The following DDX60 variants were observed in gnomAD, a reference collection of about 807,000 sequenced individuals.
DDX60 encodes probable ATP-dependent RNA helicase DDX60.
A neutral mutation model predicts 212.8 loss-of-function variants in DDX60; 165 were observed. The ratio of observed to expected loss-of-function variants is 0.78; its 90% confidence interval spans 0.68 to 0.88. The LOEUF (loss-of-function observed/expected upper bound fraction) is 0.88, where lower values mean the gene tolerates loss of function less well. Ranked by LOEUF, DDX60 falls within the 40% of genes least tolerant of loss-of-function variation. DDX60 has a pLI of 0.00. For missense variants in DDX60, 1,905 were observed against 2,003.9 expected (o/e 0.95, Z 0.94); for synonymous variants, 703 against 685.3 (o/e 1.03, Z -0.40).
rs764562519 is a variant in DDX60, at chr4:168,311,326, T to C, written c.-67A>G. ...TAAAGGTAGCAAATACCCTTTATTT[T>C]GGTACCTCTAAGTGGCAGTTCTTAA... is the stretch of plus-strand genomic sequence containing the variant. On this transcript the variant is annotated 5_prime_UTR_variant, in exon 2 of 38. Coordinates refer to ENST00000393743, the MANE Select transcript of DDX60 (RefSeq NM_017631.6). 5.1e-6 allele frequency: 8 copies of C among 1,574,122 alleles called. No homozygotes were observed. Among genetic ancestry groups the C allele is most frequent in the African/African-American group, 4.1e-5 (3 of 73,780 alleles).
intron 15 of DDX60, 129 bp from the exon 16 acceptor site, chr4:168,275,632 T>C (rs962969942): frequency 5.1e-6 from 4 of 788,912 alleles, no homozygotes; most frequent in Admixed American, 3.6e-5. Flanking sequence ...TTAAATTTTT[T>C]AAATCATTGT....
At chr4:168,317,854 C>A (rs1343738779) in intron 1 of DDX60, among the ~76,000 whole-genome samples, 2 of 152,126 alleles carry the variant, frequency 1.3e-5, no homozygotes, top group Non-Finnish European at 2.9e-5. Context: ...GAACCCCCAG[C>A]CAACAGCCAG....
At chr4:168,235,982 C>T in intron 33 of DDX60, 1 of 335,196 alleles carries the variant, frequency 3.0e-6, no homozygotes, top group Non-Finnish European at 5.4e-6. Flanking sequence ...CTTTAGTCAC[C>T]TGATATTATA....
chr4:168,275,232 T>C, intron 16 of DDX60, 113 bp downstream of exon 16: 1 of 1,000,206 alleles, frequency 1.0e-6, no homozygotes, highest in Non-Finnish European at 1.4e-6. Flanking sequence ...TAACAAAGTA[T>C]CTTTAAATGA....
At chr4:168,282,182 CAA>C (rs2149526689) in intron 13 of DDX60, among the ~76,000 whole-genome samples, 1 of 152,244 alleles carries the variant, frequency 6.6e-6, no homozygotes, top group Non-Finnish European at 1.5e-5. Flanking sequence ...GCTCTTAAAA[CAA>C]AAGATGGGAC....
intron 3 of DDX60, among the ~76,000 whole-genome samples, chr4:168,308,723 A>T (rs192516636): frequency 8.9e-4 from 132 of 148,516 alleles, no homozygotes; most frequent in African/African-American, 2.8e-3. Flanking sequence ...TATATTATAC[A>T]TAGATACACA....
At chr4:168,226,067 G>C (rs1733243541) in intron 33 of DDX60, among the ~76,000 whole-genome samples, 4 of 151,910 alleles carry the variant, frequency 2.6e-5, no homozygotes, top group Non-Finnish European at 5.9e-5. Flanking sequence ...TTTGTTTTGA[G>C]GGTTTTTTAA....
At chr4:168,318,014 A>G (rs1298122771) in intron 1 of DDX60, among the ~76,000 whole-genome samples, 2 of 152,172 alleles carry the variant, frequency 1.3e-5, no homozygotes, top group African/African-American at 4.8e-5. Flanking sequence ...CACTTTACCC[A>G]TGCCTGGGCT....
In DDX60 at chr4:168,301,119, TTC is replaced by T. The variant is rs560372972; in HGVS notation, c.723+1179_723+1180del. On this transcript the variant is annotated intron_variant, in intron 6 of 37. Transcript: ENST00000393743. Reference sequence around the variant, plus strand: ...TCAAAATAAATAAAATAAAATAACTTTCTGTGTATATAAAAATTGAACAAAAA... The same window carrying T: ...TCAAAATAAATAAAATAAAATAACTTTGTGTATATAAAAATTGAACAAAAA... Among the ~76,000 whole-genome samples, 237 of 152,244 alleles carry T rather than the reference TTC, an allele frequency of 1.6e-3. 1 individual carries two copies. The highest frequency in any genetic ancestry group is 2.6e-3 in the Non-Finnish European group (177 of 68,004).
rs1390664593 is a variant in DDX60 at position 168,216,929 on chromosome 4, G to C, written c.*4C>G. 6.3e-7 allele frequency: 1 copy of C among 1,582,416 alleles called. No individual in the cohort carries two copies. The highest frequency in any genetic ancestry group is 1.8e-5 in the Admixed American group (1 of 54,638). ...TTTTTAAGTGGTTTGCATAGACTTT[G>C]TTTTTAGACTTTGTTTAACTTTTCC... On this transcript the variant is annotated 3_prime_UTR_variant, in exon 38 of 38. Coordinates refer to ENST00000393743, the MANE Select transcript of DDX60 (RefSeq NM_017631.6).
intron 8 of DDX60, among the ~76,000 whole-genome samples, chr4:168,290,397 C>T (rs1241819694): frequency 2.0e-5 from 3 of 149,102 alleles, no homozygotes; most frequent in Admixed American, 6.7e-5. Context: ...GGTGCGATCT[C>T]GGCTCACTGC....
At chr4:168,246,905 C>T (rs1578994997) in intron 29 of DDX60, among the ~76,000 whole-genome samples, 1 of 152,082 alleles carries the variant, frequency 6.6e-6, no homozygotes, top group Non-Finnish European at 1.5e-5. Flanking sequence ...ATTGAAGAAA[C>T]AAAGAACACT....
intron 7 of DDX60, among the ~76,000 whole-genome samples, chr4:168,292,973 T>C (rs1326777818): frequency 1.3e-5 from 2 of 152,228 alleles, no homozygotes; most frequent in Non-Finnish European, 2.9e-5. Context: ...TAAAAGATAA[T>C]GAGCCCTGAA....
chr4:168,273,770 T>C (rs1277745611), intron 17 of DDX60, among the ~76,000 whole-genome samples, 164 bp downstream of exon 17: 1 of 152,172 alleles, frequency 6.6e-6, no homozygotes, highest in Non-Finnish European at 1.5e-5. Flanking sequence ...TGTGTGTGTA[T>C]GTATGTGTAT....
intron 7 of DDX60, 143 bp from the exon 8 acceptor site, chr4:168,292,049 C>CTTTCTTTCTTTCCTT: frequency 6.6e-6 from 2 of 302,358 alleles, no homozygotes; most frequent in Non-Finnish European, 1.1e-5. Context: ...TTCTTTCTTT[C>CTTTCTTTCTTTCCTT]TTTTTTTTTT....
At position 168,293,768 on chromosome 4, in the gene DDX60, A is replaced by G. The variant is rs1321893076; in HGVS notation, c.882+19T>C. 6.4e-7 allele frequency: 1 copy of G among 1,574,372 alleles called. No individual in the cohort carries two copies. The highest frequency in any genetic ancestry group is 1.2e-5 in the South Asian group (1 of 84,774). ...GTGGAGAGAAATAGTATTTCTCAGT[A>G]AAGTTATAAAAACCACACCTGTTGG... On this transcript the variant is annotated intron_variant, in intron 7 of 37. Coordinates refer to ENST00000393743, the MANE Select transcript of DDX60 (RefSeq NM_017631.6).
Position 168,220,654 on chromosome 4 carries a change from C to A in DDX60, c.5039+1G>T, listed in dbSNP as rs2149489599. On this transcript the variant is annotated splice_donor_variant, in intron 37 of 37. Coordinates refer to ENST00000393743, the MANE Select transcript of DDX60 (RefSeq NM_017631.6). LOFTEE classifies it high-confidence loss of function. ...AATCAATATTTAAATATATAACACA[C>A]CTGATAGATTTAATGGTGAGTGCAA... 7.1e-7 allele frequency: 1 copy of A among 1,406,558 alleles called. No homozygotes were observed. 87.1% of individuals were successfully genotyped at this position (1,406,558 alleles called of 1,614,324 possible).
At chr4:168,317,587 G>C (rs1213204651) in intron 1 of DDX60, among the ~76,000 whole-genome samples, 2 of 152,144 alleles carry the variant, frequency 1.3e-5, no homozygotes, top group African/African-American at 4.8e-5. Flanking sequence ...AGAAGAGCTG[G>C]TGGGTTAAAA....
chr4:168,300,816 A>C (rs1278207575), intron 6 of DDX60, among the ~76,000 whole-genome samples: 2 of 152,202 alleles, frequency 1.3e-5, no homozygotes, highest in Non-Finnish European at 2.9e-5. Context: ...CAGTATATTA[A>C]CATATTCTAT....
Sources: gnomAD v4.1 joint callset for allele counts (sites outside exome capture counted in the v4.1 genomes callset) on GRCh38, gnomAD v4.1.1 for gene constraint, MANE v1.5 for transcripts, NCBI Gene and HGNC (gene_info 2026-07-23, HGNC 2026-07-21) for gene names.